The following OTUD7A variants were observed in gnomAD, a reference collection of about 807,000 sequenced individuals.
OTUD7A encodes the protein OTU deubiquitinase 7A, also known as OTU domain-containing protein 7A.
In OTUD7A, 12 loss-of-function variants were observed where a neutral mutation model predicts 65.7. The observed-to-expected ratio is 0.18, with a 90% CI of 0.12 to 0.30. The LOEUF (loss-of-function observed/expected upper bound fraction) is 0.30, where lower values mean the gene tolerates loss of function less well. OTUD7A is among the 10% of genes least tolerant of loss of function. OTUD7A has a pLI of 1.00. For synonymous variants in OTUD7A, 641 were observed against 586.3 expected, an observed-to-expected ratio of 1.09 and a Z score of -1.35; for missense variants, 1,148 against 1,304.8, an observed-to-expected ratio of 0.88 and a Z score of 1.85.
intron 1 of OTUD7A, among the ~76,000 whole-genome samples, chr15:31,849,254 C>A (rs1362825593): frequency 2.0e-5 from 3 of 152,180 alleles, no homozygotes; most frequent in Admixed American, 6.5e-5. Context: ...TACCACACAT[C>A]TACAACCATC....
intron 1 of OTUD7A, among the ~76,000 whole-genome samples, chr15:31,744,643 A>G (rs1894429396): frequency 6.6e-6 from 1 of 152,192 alleles, no homozygotes; most frequent in African/African-American, 2.4e-5. Flanking sequence ...ATGATTAAAA[A>G]GAAGTTAGGC....
At chr15:31,532,308 T>G (rs1349266226) in intron 5 of OTUD7A, among the ~76,000 whole-genome samples, 1 of 151,966 alleles carries the variant, frequency 6.6e-6, no homozygotes, top group Non-Finnish European at 1.5e-5. Context: ...GAAAATGTAG[T>G]AAAGAAATAG....
chr15:31,526,224 A>C, intron 8 of OTUD7A, 125 bp downstream of exon 8: 2 of 1,035,000 alleles, frequency 1.9e-6, no homozygotes, highest in Middle Eastern at 2.7e-4. Context: ...GAAAGCTGGA[A>C]TCTTTCTGTC....
chr15:31,668,384 CAA>C (rs1892376916), intron 1 of OTUD7A, among the ~76,000 whole-genome samples: 1 of 152,188 alleles, frequency 6.6e-6, no homozygotes, highest in African/African-American at 2.4e-5. Flanking sequence ...TGGATTAATT[CAA>C]AGACTTTGTC....
At chr15:31,631,963 C>G (rs989112963) in intron 3 of OTUD7A, among the ~76,000 whole-genome samples, 2 of 152,154 alleles carry the variant, frequency 1.3e-5, no homozygotes, top group Admixed American at 1.3e-4. Flanking sequence ...GACTTCTCTG[C>G]GTTGATTATT....
At chr15:31,594,898 AG>A (rs1217687312) in intron 3 of OTUD7A, among the ~76,000 whole-genome samples, 1 of 152,142 alleles carries the variant, frequency 6.6e-6, no homozygotes, top group African/African-American at 2.4e-5. Flanking sequence ...TTGTCTTCCC[AG>A]GAGACTGCAT....
At chr15:31,504,691 T>TGAGGGAATCTGTGAC (rs72228823) in intron 8 of OTUD7A, among the ~76,000 whole-genome samples, 5 of 151,594 alleles carry the variant, frequency 3.3e-5, no homozygotes, top group African/African-American at 1.2e-4. Context: ...CAGAATTAGC[T>TGAGGGAATCTGTGAC]GACGGCAGCA....
At chr15:31,810,994 G>A (rs2140960677) in intron 1 of OTUD7A, among the ~76,000 whole-genome samples, 1 of 152,318 alleles carries the variant, frequency 6.6e-6, no homozygotes, top group African/African-American at 2.4e-5. Flanking sequence ...GTGTGCCTGT[G>A]AAGGAGTGTG....
At chr15:31,536,029 TCTCAGGAAGC>T (rs772561210) in intron 5 of OTUD7A, among the ~76,000 whole-genome samples, 31 of 152,172 alleles carry the variant, frequency 2.0e-4, no homozygotes, top group Admixed American at 1.3e-3. Context: ...ATTCACTCTT[TCTCAGGAAGC>T]TTCAGGAGGA....
chr15:31,765,121 A>C (rs1895063811), intron 1 of OTUD7A, among the ~76,000 whole-genome samples: 1 of 152,132 alleles, frequency 6.6e-6, no homozygotes, highest in Admixed American at 6.5e-5. Context: ...AGATTATGAA[A>C]ATTAGAATTC....
chr15:31,569,319 T>C (rs1303500863), intron 4 of OTUD7A, among the ~76,000 whole-genome samples: 1 of 152,198 alleles, frequency 6.6e-6, no homozygotes, highest in Non-Finnish European at 1.5e-5. Flanking sequence ...AGAATCACCA[T>C]GAATACAGCA....
intron 1 of OTUD7A, among the ~76,000 whole-genome samples, chr15:31,779,853 G>A (rs1244807631): frequency 6.6e-6 from 1 of 152,060 alleles, no homozygotes; most frequent in African/African-American, 2.4e-5. Context: ...CGGTAAGATG[G>A]GGGTTTGGAA....
At chr15:31,827,837 G>A (rs1896834394) in intron 1 of OTUD7A, among the ~76,000 whole-genome samples, 1 of 64,732 alleles carries the variant, frequency 1.5e-5, no homozygotes, top group Non-Finnish European at 3.5e-5. Flanking sequence ...TGTGGCAGGA[G>A]AATTGCTTGA....
intron 1 of OTUD7A, among the ~76,000 whole-genome samples, chr15:31,686,893 T>C (rs551773857): frequency 6.6e-6 from 1 of 152,296 alleles, no homozygotes; most frequent in East Asian, 1.9e-4. Context: ...ATGAGGCAAG[T>C]AACCTTTTCA....
intron 5 of OTUD7A, chr15:31,555,975 G>C (rs1888481287): frequency 6.6e-6 from 1 of 151,500 alleles, no homozygotes; most frequent in African/African-American, 2.4e-5. Context: ...CTGAGTAGCT[G>C]GGACCACAGG....
At position 31,483,147 on chromosome 15, in the gene OTUD7A, T is replaced by C; in HGVS notation, c.*147A>G. ...GGCGTCAGTGTAGGTTCAGGCACCA[T>C]TAGGAACGTTTGACCAAACACGTAC... On this transcript the variant is annotated 3_prime_UTR_variant, in exon 13 of 13. Coordinates refer to ENST00000307050, the MANE Select transcript of OTUD7A (RefSeq NM_001382637.1). 2.7e-6 allele frequency: 2 copies of C among 751,248 alleles called. No homozygotes were observed. The highest frequency in any genetic ancestry group is 1.6e-6 in the Non-Finnish European group (1 of 608,282). 46.5% of individuals were successfully genotyped at this position (751,248 alleles called of 1,614,324 possible). A position where few individuals can be genotyped will look rare whatever the true frequency, so the allele number is the denominator to read the frequency against.
chr15:31,603,910 G>C (rs1442071066), intron 3 of OTUD7A, among the ~76,000 whole-genome samples: 1 of 152,226 alleles, frequency 6.6e-6, no homozygotes, highest in African/African-American at 2.4e-5. Context: ...TCTCACACCA[G>C]TTAGAATGGC....
intron 1 of OTUD7A, among the ~76,000 whole-genome samples, chr15:31,860,931 G>GGA (rs1897725577): frequency 6.8e-6 from 1 of 147,018 alleles, no homozygotes; most frequent in East Asian, 2.0e-4. Flanking sequence ...ATGTTAGGCA[G>GGA]GATGGTCTCG....
At chr15:31,751,980 C>A (rs374023507) in intron 1 of OTUD7A, among the ~76,000 whole-genome samples, 3 of 152,224 alleles carry the variant, frequency 2.0e-5, no homozygotes, top group Admixed American at 6.5e-5. Flanking sequence ...TCAACAGAAG[C>A]CCAAACCCCA....
Sources: allele counts gnomAD v4.1 joint callset (sites outside exome capture counted in the v4.1 genomes callset), GRCh38; gene constraint gnomAD v4.1.1; transcripts MANE v1.5; gene names NCBI Gene and HGNC (gene_info 2026-07-23, HGNC 2026-07-21).